The following ZNF385D variants were observed in gnomAD, a reference collection of about 807,000 sequenced individuals.
ZNF385D encodes zinc finger protein 659.
A neutral mutation model predicts 35.8 loss-of-function variants in ZNF385D; 15 were observed. The ratio of observed to expected loss-of-function variants is 0.42; its 90% confidence interval spans 0.28 to 0.64. ZNF385D has a LOEUF of 0.64. Ranked by LOEUF, ZNF385D falls within the 30% of genes least tolerant of loss-of-function variation. ZNF385D has a pLI of 0.23. For missense variants in ZNF385D, 474 were observed against 494.6 expected (o/e 0.96, Z 0.39); for synonymous variants, 212 against 186.8 (o/e 1.13, Z -1.10).
intron 3 of ZNF385D, among the ~76,000 whole-genome samples, chr3:22,165,730 G>C (rs115164894): frequency 6.6e-6 from 1 of 151,968 alleles, no homozygotes; most frequent in South Asian, 2.1e-4. Flanking sequence ...TCTTTCTTAG[G>C]AGGAGACCCC....
intron 1 of ZNF385D, among the ~76,000 whole-genome samples, chr3:21,743,085 C>A (rs73035620): frequency 0.075 from 11,462 of 152,132 alleles, 798 homozygotes; most frequent in East Asian, 0.25. Context: ...CAAAACTTTA[C>A]AAATGTGAGA....
chr3:22,332,604 G>T (rs1181589857), intron 2 of ZNF385D, among the ~76,000 whole-genome samples: 3 of 151,928 alleles, frequency 2.0e-5, no homozygotes, highest in Non-Finnish European at 2.9e-5. Flanking sequence ...AATTCAGTAA[G>T]ATAATTAAAA....
At chr3:22,092,195 G>T (rs1179036598) in intron 3 of ZNF385D, among the ~76,000 whole-genome samples, 3 of 152,092 alleles carry the variant, frequency 2.0e-5, no homozygotes, top group African/African-American at 7.2e-5. Context: ...TCTGACAGTG[G>T]GGCTGGAACC....
intron 2 of ZNF385D, among the ~76,000 whole-genome samples, chr3:22,283,685 C>G (rs1352206983): frequency 6.6e-6 from 1 of 152,118 alleles, no homozygotes; most frequent in Non-Finnish European, 1.5e-5. Flanking sequence ...TAACTCCTAT[C>G]TCAGAAGGTG....
At chr3:22,251,535 T>G (rs1320998859) in intron 2 of ZNF385D, among the ~76,000 whole-genome samples, 1 of 152,128 alleles carries the variant, frequency 6.6e-6, no homozygotes, top group African/African-American at 2.4e-5. Flanking sequence ...CCAGGATTTC[T>G]CAGCTTCAGC....
intron 2 of ZNF385D, among the ~76,000 whole-genome samples, chr3:22,222,823 G>A (rs1004879627): frequency 6.6e-6 from 1 of 152,148 alleles, no homozygotes; most frequent in African/African-American, 2.4e-5. Flanking sequence ...TAATTGCTCT[G>A]TATTGCTACC....
At chr3:22,015,788 A>T (rs1439832835) in intron 3 of ZNF385D, among the ~76,000 whole-genome samples, 4 of 152,084 alleles carry the variant, frequency 2.6e-5, no homozygotes, top group Non-Finnish European at 5.9e-5. Flanking sequence ...TCCTAGGAAG[A>T]CTGGCTTGGA....
intron 2 of ZNF385D, among the ~76,000 whole-genome samples, chr3:21,641,205 A>G (rs985841281): frequency 6.6e-5 from 10 of 152,080 alleles, no homozygotes; most frequent in African/African-American, 2.4e-4. Context: ...CACTTTCATC[A>G]ACACTGGAAA....
At chr3:22,262,408 G>A (rs1321456451) in intron 2 of ZNF385D, among the ~76,000 whole-genome samples, 1 of 151,850 alleles carries the variant, frequency 6.6e-6, no homozygotes, top group African/African-American at 2.4e-5. Flanking sequence ...TAATGCCATG[G>A]TAAACCCAAT....
intron 3 of ZNF385D, among the ~76,000 whole-genome samples, chr3:21,788,503 T>A (rs902220621): frequency 3.9e-5 from 6 of 152,180 alleles, no homozygotes; most frequent in African/African-American, 1.4e-4. Context: ...GTGACATGTG[T>A]CTCTGTCTTT....
At chr3:21,706,719 G>T (rs2067912369) in intron 1 of ZNF385D, among the ~76,000 whole-genome samples, 1 of 152,086 alleles carries the variant, frequency 6.6e-6, no homozygotes, top group Non-Finnish European at 1.5e-5. Context: ...CATGCACCAT[G>T]TACATGAAGG....
At chr3:21,479,576 T>A (rs1575013693) in intron 4 of ZNF385D, among the ~76,000 whole-genome samples, 1 of 152,276 alleles carries the variant, frequency 6.6e-6, no homozygotes, top group Non-Finnish European at 1.5e-5. Flanking sequence ...AGGATTTTGA[T>A]TTAGAATTAG....
intron 1 of ZNF385D, among the ~76,000 whole-genome samples, chr3:21,740,278 A>G (rs945055805): frequency 3.9e-5 from 6 of 152,188 alleles, no homozygotes; most frequent in African/African-American, 1.2e-4. Context: ...CCTCTACAGC[A>G]TAACTACTCA....
chr3:21,985,890 T>C (rs1316165852), intron 3 of ZNF385D, among the ~76,000 whole-genome samples: 2 of 129,902 alleles, frequency 1.5e-5, no homozygotes, highest in Non-Finnish European at 3.2e-5. Context: ...CCTGGTTTAG[T>C]CTTGGGAGAG....
chr3:22,049,221 G>C (rs1003282711), intron 3 of ZNF385D, among the ~76,000 whole-genome samples: 2 of 151,698 alleles, frequency 1.3e-5, no homozygotes, highest in South Asian at 2.1e-4. Flanking sequence ...GCTTGAACCT[G>C]GGAGGCAGAG....
intron 3 of ZNF385D, among the ~76,000 whole-genome samples, chr3:22,049,386 G>A (rs1393921864): frequency 1.3e-5 from 2 of 151,978 alleles, no homozygotes; most frequent in African/African-American, 4.8e-5. Flanking sequence ...CTTTACTGTA[G>A]TTGTTTATTA....
intron 3 of ZNF385D, among the ~76,000 whole-genome samples, chr3:21,841,788 A>C (rs1695693863): frequency 6.6e-6 from 1 of 151,686 alleles, no homozygotes; most frequent in Admixed American, 6.6e-5. Context: ...TTAATTTTTG[A>C]TGTATTTTGT....
intron 3 of ZNF385D, among the ~76,000 whole-genome samples, chr3:22,159,748 G>GAATTT (rs1466144773): frequency 1.3e-5 from 2 of 152,082 alleles, no homozygotes; most frequent in East Asian, 3.9e-4. Context: ...GATAAAAAAG[G>GAATTT]AATTTACTTC....
chr3:22,087,415 C>A (rs531194763), intron 3 of ZNF385D, among the ~76,000 whole-genome samples: 1 of 152,158 alleles, frequency 6.6e-6, no homozygotes, highest in African/African-American at 2.4e-5. Context: ...CTATGTTCTC[C>A]CCAAAGGGAG....
Sources: allele counts gnomAD v4.1 joint callset (sites outside exome capture counted in the v4.1 genomes callset), GRCh38; gene constraint gnomAD v4.1.1; transcripts MANE v1.5; gene names NCBI Gene and HGNC (gene_info 2026-07-23, HGNC 2026-07-21).